The following ABCB5 variants were observed in gnomAD, a reference collection of about 807,000 sequenced individuals.
The protein encoded by ABCB5 is ATP binding cassette subfamily B member 5, also known as ATP-binding cassette sub-family B member 5.
ABCB5 carries 155 observed loss-of-function variants against 144.2 expected under a neutral mutation model. The ratio of observed to expected loss-of-function variants is 1.08; its 90% CI spans 0.94 to 1.23. The LOEUF is 1.23. Among genes scored for constraint, ABCB5 ranks in the 50% most tolerant of loss-of-function variants. ABCB5 has a pLI of 0.00. For missense variants in ABCB5, 1,830 were observed against 1,520.8 expected, an observed-to-expected ratio of 1.20 and a Z score of -3.38; for synonymous variants, 610 against 528.6, an observed-to-expected ratio of 1.15 and a Z score of -2.11.
At chr7:20,719,392 C>G (rs1368445730) in intron 20 of ABCB5, among the ~76,000 whole-genome samples, 1 of 152,086 alleles carries the variant, frequency 6.6e-6, no homozygotes, top group Non-Finnish European at 1.5e-5. Context: ...TTTATTTTAC[C>G]TCATACTATG....
chr7:20,664,106 T>G (rs545682221), intron 14 of ABCB5, among the ~76,000 whole-genome samples: 1 of 151,718 alleles, frequency 6.6e-6, no homozygotes, highest in East Asian at 1.9e-4. Context: ...AAAAAATTAA[T>G]AAATAAAAGA....
At chr7:20,749,395 ATT>A (rs34687757) in intron 26 of ABCB5, among the ~76,000 whole-genome samples, 4 of 81,930 alleles carry the variant, frequency 4.9e-5, no homozygotes, top group South Asian at 4.3e-4. Flanking sequence ...TGCCTGCCTA[ATT>A]TTTTTTTTTT....
chr7:20,643,550 G>T lies in ABCB5; in HGVS notation c.596G>T (p.Gly199Val), dbSNP rs1449081728. 7.4e-6 allele frequency: 12 copies of T among 1,613,986 alleles called. No homozygotes were observed. Among genetic ancestry groups the T allele is most frequent in the African/African-American group, 1.3e-5 (1 of 75,040 alleles). The change falls in exon 7 of 28, where the codon GGT (glycine) becomes GTT (valine). Residue 199 changes from glycine (G) to valine (V), a missense_variant. Gly to Val is a moderately radical substitution (Grantham distance 109). Transcript: ENST00000404938. Reference sequence around the variant, plus strand: ...ACTTTTTCGATTGGCCTGGCAGTTGGTTTGGTGAAGGGCTGGAAACTCACC... The same window carrying T: ...ACTTTTTCGATTGGCCTGGCAGTTGTTTTGGTGAAGGGCTGGAAACTCACC... ...MSTFSIGLAV[G>V]LVKGWKLTLV...
chr7:20,735,902 T>G (rs1189463894), intron 23 of ABCB5, among the ~76,000 whole-genome samples: 1 of 152,230 alleles, frequency 6.6e-6, no homozygotes, highest in Non-Finnish European at 1.5e-5. Context: ...ACTTATCTCC[T>G]AGGTGATTAG....
intron 1 of ABCB5, among the ~76,000 whole-genome samples, chr7:20,620,508 A>G (rs1783785575): frequency 1.3e-5 from 2 of 152,152 alleles, no homozygotes; most frequent in South Asian, 4.1e-4. Context: ...GTACTTAATA[A>G]TATCCAGAAT....
At chr7:20,688,236 A>G (rs531292010) in intron 16 of ABCB5, among the ~76,000 whole-genome samples, 1 of 152,256 alleles carries the variant, frequency 6.6e-6, no homozygotes, top group African/African-American at 2.4e-5. Flanking sequence ...TAAAATAAAC[A>G]AAGATCAATA....
At chr7:20,638,816 T>C (rs542478043) in intron 5 of ABCB5, among the ~76,000 whole-genome samples, 1 of 152,356 alleles carries the variant, frequency 6.6e-6, no homozygotes, top group African/African-American at 2.4e-5. Flanking sequence ...AATGCTTCTG[T>C]GAACACTGAT....
intron 24 of ABCB5, among the ~76,000 whole-genome samples, chr7:20,741,287 G>A (rs1336495113): frequency 6.6e-6 from 1 of 151,726 alleles, no homozygotes; most frequent in Non-Finnish European, 1.5e-5. Flanking sequence ...AAATTTAGAA[G>A]TTTTCTAGAA....
In ABCB5 at chr7:20,632,162, T is replaced by C. The variant is rs191352840; in HGVS notation, c.314+49T>C. 6,563 of 1,296,564 alleles carry C rather than the reference T, an allele frequency of 5.1e-3. 40 individuals are homozygous for C. The highest frequency in any genetic ancestry group is 0.024 in the Middle Eastern group (114 of 4,700). 80.3% of individuals were successfully genotyped at this position (1,296,564 alleles called of 1,614,324 possible). On this transcript the variant is annotated intron_variant, in intron 5 of 27. Transcript: ENST00000404938. ...ATCACATTCGTTGAATGATGCTTTA[T>C]TTAAAGCTTACAAGAAAAAAGCAAC...
intron 19 of ABCB5, among the ~76,000 whole-genome samples, chr7:20,704,439 C>T (rs1353847669): frequency 6.6e-6 from 1 of 152,108 alleles, no homozygotes; most frequent in Non-Finnish European, 1.5e-5. Context: ...TTACAAATCA[C>T]TTGATGGTTG....
rs1784101418 is a variant in ABCB5, at chr7:20,634,207, C to T, written c.314+2094C>T. Among the ~76,000 whole-genome samples the T allele has an allele frequency of 2.7e-5, 4 of 146,950 alleles. No individual in the cohort carries two copies. The Admixed American group carries it at 2.7e-4, about 10-fold the overall frequency. ...GCAAAAAAAAAACAAACCATGATCT[C>T]ATTATTTTTATGGCTGACTAGTATT... On this transcript the variant is annotated intron_variant, in intron 5 of 27. Coordinates refer to ENST00000404938, the MANE Select transcript of ABCB5 (RefSeq NM_001163941.2).
At position 20,742,782 on chromosome 7, in the gene ABCB5, A is replaced by G. The variant is rs910322499; in HGVS notation, c.3025-95A>G. The G allele has an allele frequency of 4.0e-6, 5 of 1,236,780 alleles. No individual in the cohort carries two copies. The African/African-American group carries it at 7.4e-5, about 18-fold the overall frequency. 76.6% of individuals were successfully genotyped at this position (1,236,780 alleles called of 1,614,324 possible). On this transcript the variant is annotated intron_variant, in intron 24 of 27. Transcript: ENST00000404938. ...TTAAAATTAAAAGGGCTCTGGAAAC[A>G]TGCACAATTTTCAAAATGAACTTGG...
chr7:20,637,391 C>G (rs896436745), intron 5 of ABCB5, among the ~76,000 whole-genome samples: 1 of 151,862 alleles, frequency 6.6e-6, no homozygotes, highest in Non-Finnish European at 1.5e-5. Flanking sequence ...ATGATGCCTC[C>G]TCTTTTGCTG....
intron 24 of ABCB5, among the ~76,000 whole-genome samples, chr7:20,739,974 G>A (rs1241084674): frequency 1.2e-4 from 19 of 152,190 alleles, no homozygotes; most frequent in African/African-American, 4.3e-4. Flanking sequence ...GCTCACGCCT[G>A]TAATCCCAGC....
chr7:20,728,491 C>T, intron 23 of ABCB5, 36 bp downstream of exon 23: 1 of 1,605,954 alleles, frequency 6.2e-7, no homozygotes, highest in South Asian at 1.1e-5. Flanking sequence ...TGGTAGCTCA[C>T]ACCTGTAATT....
At chr7:20,698,964 T>C (rs920217869) in intron 17 of ABCB5, among the ~76,000 whole-genome samples, 5 of 152,298 alleles carry the variant, frequency 3.3e-5, no homozygotes, top group Middle Eastern at 3.4e-3. Flanking sequence ...CTCAGGGCAA[T>C]TGGTGTGTTT....
In ABCB5 at chr7:20,728,464, T is replaced by A. The variant is rs1280116982; in HGVS notation, c.2867+9T>A. On this transcript the variant is annotated intron_variant, in intron 23 of 27. Coordinates refer to ENST00000404938, the MANE Select transcript of ABCB5 (RefSeq NM_001163941.2). Reference sequence around the variant, plus strand: ...CCAGAGGGCATGTTCATGTAAGTCGTGGAAATAGTCCGGACCTGGTAGCTC... The same window carrying A: ...CCAGAGGGCATGTTCATGTAAGTCGAGGAAATAGTCCGGACCTGGTAGCTC... 6.2e-7 allele frequency: 1 copy of A among 1,613,710 alleles called. No individual in the cohort carries two copies. The highest frequency in any genetic ancestry group is 1.7e-5 in the Admixed American group (1 of 59,950).
chr7:20,721,779 G>A (rs1411423220), intron 20 of ABCB5, among the ~76,000 whole-genome samples: 2 of 152,058 alleles, frequency 1.3e-5, no homozygotes, highest in African/African-American at 4.8e-5. Context: ...CATTCAAATA[G>A]GAGTTAAGAA....
rs1434999011 is a variant in ABCB5 at position 20,643,295 on chromosome 7, GT to G, written c.432del (p.His145IlefsTer23). On this transcript the variant is annotated frameshift_variant, in exon 6 of 28. Coordinates refer to ENST00000404938, the MANE Select transcript of ABCB5 (RefSeq NM_001163941.2). LOFTEE classifies it high-confidence loss of function. ...GACAGACCAAGAGGATTCGAAAACA[GT>G]TTTTTCATTCAGTTTTGGCACAGGA... ...ARQTKRIRKQ[F>X]FHSVLAQDIG... 9.9e-6 allele frequency: 16 copies of G among 1,613,836 alleles called. No homozygotes were observed. Among genetic ancestry groups the G allele is most frequent in the Non-Finnish European group, 1.4e-5 (16 of 1,179,896 alleles).
Sources: gnomAD v4.1 joint callset for allele counts (sites outside exome capture counted in the v4.1 genomes callset) on GRCh38, gnomAD v4.1.1 for gene constraint, MANE v1.5 for transcripts, NCBI Gene and HGNC (gene_info 2026-07-23, HGNC 2026-07-21) for gene names.